C13orf42: variants seen among roughly 807,000 people sequenced by gnomAD.
The protein encoded by C13orf42 is uncharacterized protein C13orf42.
At position 51,160,971 on chromosome 13, in the gene C13orf42, A is replaced by AC. The variant is rs1033340644; in HGVS notation, n.136+11281_136+11282insG. 7.3e-5 allele frequency among the ~76,000 whole-genome samples: 11 copies of AC among 150,548 alleles called. 1 individual carries two copies. Among genetic ancestry groups the AC allele is most frequent in the Non-Finnish European group, 7.4e-5 (5 of 67,648 alleles). On this transcript the variant is annotated intron_variant and non_coding_transcript_variant, in intron 1 of 4. Coordinates refer to the C13orf42 transcript ENST00000433280. ...ACAAAGATTGGAAACAAGAAAAAAA[A>AC]AAAAAACAAAAAACTGCCAGTTGTC... is the stretch of plus-strand genomic sequence containing the variant.
Position 51,111,247 on chromosome 13 carries a change from C to T in C13orf42, c.-38G>A, listed in dbSNP as rs1035168996. 5.0e-6 allele frequency: 2 copies of T among 398,550 alleles called. No individual in the cohort carries two copies. Among genetic ancestry groups the T allele is most frequent in the Non-Finnish European group, 8.8e-6 (2 of 226,140 alleles). 24.7% of individuals were successfully genotyped at this position (398,550 alleles called of 1,614,324 possible). On this transcript the variant is annotated 5_prime_UTR_variant, in exon 1 of 4. Coordinates refer to ENST00000563710, the MANE Select transcript of C13orf42 (RefSeq NM_001351589.3). ...CTTTCTGTGGGTACCTTCCAGCTGC[C>T]TGTGCTGCCGCCACTTGATCTAGAT...
chr13:51,118,217 A>G (rs939614338), intron 1 of C13orf42, among the ~76,000 whole-genome samples: 2 of 152,182 alleles, frequency 1.3e-5, no homozygotes, highest in African/African-American at 2.4e-5. Context: ...GGGAAATAAG[A>G]TGAAGAAGAC....
intron 1 of C13orf42, among the ~76,000 whole-genome samples, chr13:51,126,495 T>A (rs942198892): frequency 6.6e-6 from 1 of 152,206 alleles, no homozygotes; most frequent in South Asian, 2.1e-4. Flanking sequence ...TTCCAGAATT[T>A]ACCTACAAAT....
intron 1 of C13orf42, among the ~76,000 whole-genome samples, chr13:51,161,434 T>C (rs529297074): frequency 2.0e-5 from 3 of 152,114 alleles, no homozygotes; most frequent in Non-Finnish European, 2.9e-5. Flanking sequence ...TTCCCAGAGA[T>C]GGTACTATGA....
intron 1 of C13orf42, among the ~76,000 whole-genome samples, chr13:51,103,798 A>G (rs6561612): frequency 0.88 from 133,464 of 152,228 alleles, 58,866 homozygotes; most frequent in African/African-American, 0.97. Flanking sequence ...AGAAGAATGA[A>G]TATGATTCCA....
chr13:51,125,784 T>C lies in C13orf42; in HGVS notation n.137-12562A>G, dbSNP rs183957995. Among the ~76,000 whole-genome samples the C allele has an allele frequency of 1.5e-3, 228 of 152,364 alleles. 1 individual carries two copies. The highest frequency in any genetic ancestry group is 5.3e-3 in the African/African-American group (219 of 41,596). ...CCCTGGGCTCTGTGAGGGTTTTCCT[T>C]GGACTGTTCCTTCTCTGTCTCCTTC... is the stretch of plus-strand genomic sequence containing the variant. On this transcript the variant is annotated intron_variant and non_coding_transcript_variant, in intron 1 of 4. Transcript: ENST00000433280.
chr13:51,136,214 TAGA>T (rs1953656653), intron 1 of C13orf42, among the ~76,000 whole-genome samples: 1 of 152,134 alleles, frequency 6.6e-6, no homozygotes, highest in Non-Finnish European at 1.5e-5. Context: ...GCACTTCACT[TAGA>T]TTATCTCTGT....
chr13:51,171,033 G>A (rs1036874281), intron 1 of C13orf42, among the ~76,000 whole-genome samples: 1 of 151,120 alleles, frequency 6.6e-6, no homozygotes, highest in African/African-American at 2.4e-5. Flanking sequence ...TTATTTCCGT[G>A]CCCCAACCCC....
At chr13:51,124,655 A>T (rs1174853272) in intron 1 of C13orf42, among the ~76,000 whole-genome samples, 2 of 152,194 alleles carry the variant, frequency 1.3e-5, no homozygotes, top group Non-Finnish European at 2.9e-5. Flanking sequence ...GCCACAGCAG[A>T]CACAAGGTTC....
chr13:51,162,582 T>C (rs971599169), intron 1 of C13orf42, among the ~76,000 whole-genome samples: 2 of 152,188 alleles, frequency 1.3e-5, no homozygotes, highest in Non-Finnish European at 2.9e-5. Flanking sequence ...CCCGGTAATT[T>C]TTGTTGGATA....
At chr13:51,135,797 C>G (rs1429617872) in intron 1 of C13orf42, among the ~76,000 whole-genome samples, 6 of 152,298 alleles carry the variant, frequency 3.9e-5, no homozygotes, top group Admixed American at 1.3e-4. Flanking sequence ...GCCTTCATCT[C>G]CTACCCTGGC....
intron 1 of C13orf42, among the ~76,000 whole-genome samples, chr13:51,133,144 A>G (rs1284350133): frequency 6.6e-6 from 1 of 152,140 alleles, no homozygotes; most frequent in Admixed American, 6.5e-5. Context: ...TTATTCCTCT[A>G]CTTTCTTAAT....
chr13:51,133,908 A>AG (rs1953637895), intron 1 of C13orf42, among the ~76,000 whole-genome samples: 1 of 152,160 alleles, frequency 6.6e-6, no homozygotes, highest in Non-Finnish European at 1.5e-5. Context: ...AGCTATCTTG[A>AG]GGACAGGGGA....
At chr13:51,145,433 C>G (rs1953726945) in intron 1 of C13orf42, among the ~76,000 whole-genome samples, 1 of 152,090 alleles carries the variant, frequency 6.6e-6, no homozygotes, top group Non-Finnish European at 1.5e-5. Context: ...ATGAGATTTC[C>G]AGACCTACCC....
intron 1 of C13orf42, among the ~76,000 whole-genome samples, chr13:51,145,138 TC>T (rs60053289): frequency 0.49 from 74,690 of 151,876 alleles, 18,485 homozygotes; most frequent in African/African-American, 0.54. Context: ...CAATTTTTTT[TC>T]CTTCTCTTTT....
At chr13:51,159,756 T>C (rs1377656420) in intron 1 of C13orf42, among the ~76,000 whole-genome samples, 1 of 152,138 alleles carries the variant, frequency 6.6e-6, no homozygotes, top group East Asian at 1.9e-4. Context: ...TTTTTATGCA[T>C]TTTATACAGC....
intron 1 of C13orf42, among the ~76,000 whole-genome samples, chr13:51,108,202 C>T (rs963131289): frequency 1.3e-5 from 2 of 152,180 alleles, no homozygotes; most frequent in African/African-American, 4.8e-5. Flanking sequence ...ATGACCTCAT[C>T]GTAACTAATT....
intron 1 of C13orf42, among the ~76,000 whole-genome samples, chr13:51,101,517 AAAAAG>A (rs1953290936): frequency 6.6e-6 from 1 of 152,330 alleles, no homozygotes; most frequent in African/African-American, 2.4e-5. Flanking sequence ...TTCCACTAAA[AAAAAG>A]AAAAGGCATC....
chr13:51,132,415 G>T (rs1228243543), intron 1 of C13orf42, among the ~76,000 whole-genome samples: 3 of 151,044 alleles, frequency 2.0e-5, no homozygotes, highest in African/African-American at 7.3e-5. Flanking sequence ...CCTGGTGACA[G>T]ACAGACTCCG....
Sources: gnomAD v4.1 joint callset for allele counts (sites outside exome capture counted in the v4.1 genomes callset) on GRCh38, gnomAD v4.1.1 for gene constraint, MANE v1.5 for transcripts, NCBI Gene and HGNC (gene_info 2026-07-23, HGNC 2026-07-21) for gene names.